The following L3MBTL4 variants were observed in gnomAD, a reference collection of about 807,000 sequenced individuals.
L3MBTL4 encodes the protein lethal(3)malignant brain tumor-like protein 4.
In L3MBTL4, 70 loss-of-function variants were observed where a neutral mutation model predicts 84.5. That is an observed-to-expected ratio of 0.83 (90% CI 0.68 to 1.01). The LOEUF (loss-of-function observed/expected upper bound fraction) is 1.01. Ranked by LOEUF, L3MBTL4 falls within the 50% of genes least tolerant of loss-of-function variation. L3MBTL4 has a pLI of 0.00. For synonymous variants in L3MBTL4, 274 were observed against 259.8 expected (o/e 1.05, Z -0.52); for missense variants, 715 against 754.8 (o/e 0.95, Z 0.62).
At chr18:6,089,264 T>C (rs1038532950) in intron 15 of L3MBTL4, among the ~76,000 whole-genome samples, 2 of 152,154 alleles carry the variant, frequency 1.3e-5, no homozygotes, top group Non-Finnish European at 2.9e-5. Context: ...GTAGAAGCCT[T>C]TAGTATACTA....
At chr18:6,323,074 T>C (rs1030255373) in intron 1 of L3MBTL4, among the ~76,000 whole-genome samples, 4 of 152,202 alleles carry the variant, frequency 2.6e-5, no homozygotes, top group Non-Finnish European at 5.9e-5. Flanking sequence ...AAGTAATGCC[T>C]GCTTCTCCTT....
intron 10 of L3MBTL4, among the ~76,000 whole-genome samples, chr18:6,220,552 C>A (rs2046509310): frequency 6.6e-6 from 1 of 152,132 alleles, no homozygotes; most frequent in South Asian, 2.1e-4. Flanking sequence ...CCTTCCTAAC[C>A]CCATTACTTG....
At chr18:6,278,886 C>A (rs139790676) in intron 4 of L3MBTL4, among the ~76,000 whole-genome samples, 1 of 151,730 alleles carries the variant, frequency 6.6e-6, no homozygotes, top group African/African-American at 2.4e-5. Context: ...AAACTTCTTC[C>A]ACATCTTTGG....
In L3MBTL4 at chr18:5,969,565, G is replaced by T. The variant is rs746864758; in HGVS notation, c.1445-3C>A. ...CTGCGCCTGCTCCACCGAGTATTCTGTAAGAGAGGTGGGGTGGGGTGAGGC... is the reference window on the plus strand; with the variant it reads ...CTGCGCCTGCTCCACCGAGTATTCTTTAAGAGAGGTGGGGTGGGGTGAGGC... On this transcript the variant is annotated splice_region_variant and splice_polypyrimidine_tract_variant and intron_variant, in intron 16 of 18. Coordinates refer to ENST00000317931, the MANE Select transcript of L3MBTL4 (RefSeq NM_001330559.2). 2 of 1,589,142 alleles carry T rather than the reference G, an allele frequency of 1.3e-6. No individual in the cohort carries two copies. The highest frequency in any genetic ancestry group is 1.7e-6 in the Non-Finnish European group (2 of 1,164,854).
chr18:6,210,532 T>G (rs1428299304), intron 12 of L3MBTL4, among the ~76,000 whole-genome samples: 1 of 152,234 alleles, frequency 6.6e-6, no homozygotes, highest in East Asian at 1.9e-4. Flanking sequence ...ACTTAATCTC[T>G]GTGGTTTCAG....
intron 1 of L3MBTL4, among the ~76,000 whole-genome samples, chr18:6,383,617 G>T (rs568288499): frequency 6.6e-6 from 1 of 152,060 alleles, no homozygotes; most frequent in African/African-American, 2.4e-5. Context: ...GCCCTGTTTC[G>T]GCTTGCCCTC....
chr18:6,110,189 T>A (rs148049264), intron 14 of L3MBTL4, among the ~76,000 whole-genome samples: 7 of 152,236 alleles, frequency 4.6e-5, no homozygotes, highest in African/African-American at 1.7e-4. Flanking sequence ...CAGACCCCTA[T>A]TGAGTTTCAA....
intron 1 of L3MBTL4, among the ~76,000 whole-genome samples, chr18:6,380,988 C>T (rs1038787504): frequency 5.9e-5 from 9 of 152,080 alleles, no homozygotes; most frequent in Non-Finnish European, 1.2e-4. Context: ...TTGCTTTATG[C>T]ATCTGGGTGC....
chr18:6,194,816 C>A (rs1383927882), intron 12 of L3MBTL4, among the ~76,000 whole-genome samples: 2 of 152,204 alleles, frequency 1.3e-5, no homozygotes, highest in African/African-American at 4.8e-5. Flanking sequence ...ATTGAGGGGC[C>A]CTGCCCAGGT....
intron 10 of L3MBTL4, among the ~76,000 whole-genome samples, chr18:6,221,493 A>G (rs143414182): frequency 6.6e-6 from 1 of 152,308 alleles, no homozygotes; most frequent in Non-Finnish European, 1.5e-5. Context: ...ACTCAATTCT[A>G]CTGATGAGGA....
chr18:6,063,648 GTCT>G (rs146646378), intron 16 of L3MBTL4, among the ~76,000 whole-genome samples: 14,971 of 151,872 alleles, frequency 0.099, 961 homozygotes, highest in Admixed American at 0.18. Context: ...CAGTTTGTAT[GTCT>G]TCTTTTGAGA....
chr18:6,077,224 A>C (rs954687314), intron 16 of L3MBTL4, among the ~76,000 whole-genome samples: 1 of 152,192 alleles, frequency 6.6e-6, no homozygotes, highest in Admixed American at 6.5e-5. Flanking sequence ...TAGGAGTAAC[A>C]CTCAATAAGC....
At chr18:6,166,903 A>G (rs1208267784) in intron 13 of L3MBTL4, among the ~76,000 whole-genome samples, 11 of 152,164 alleles carry the variant, frequency 7.2e-5, no homozygotes, top group Admixed American at 5.2e-4. Context: ...ATTTTTGAAA[A>G]GATCAACAAA....
At chr18:5,994,037 A>C (rs765694760) in intron 16 of L3MBTL4, among the ~76,000 whole-genome samples, 1 of 152,228 alleles carries the variant, frequency 6.6e-6, no homozygotes, top group Non-Finnish European at 1.5e-5. Flanking sequence ...GCGACGCTGG[A>C]ACCCGGCTTT....
chr18:6,166,537 C>A (rs2043667794), intron 13 of L3MBTL4, among the ~76,000 whole-genome samples: 1 of 152,328 alleles, frequency 6.6e-6, no homozygotes, highest in South Asian at 2.1e-4. Context: ...CTCAAAACTG[C>A]TCAACTACAT....
At chr18:6,292,375 T>C (rs2049905054) in intron 4 of L3MBTL4, among the ~76,000 whole-genome samples, 1 of 152,218 alleles carries the variant, frequency 6.6e-6, no homozygotes, top group African/African-American at 2.4e-5. Flanking sequence ...CTGTCTAATA[T>C]TTGTAAAGTC....
chr18:6,317,888 AAACT>A (rs1436027030), intron 1 of L3MBTL4, among the ~76,000 whole-genome samples: 1 of 152,208 alleles, frequency 6.6e-6, no homozygotes, highest in African/African-American at 2.4e-5. Flanking sequence ...AAAATCTATC[AAACT>A]AACAGCAGTC....
At chr18:6,021,273 G>A (rs7226790) in intron 16 of L3MBTL4, among the ~76,000 whole-genome samples, 6,758 of 152,282 alleles carry the variant, frequency 0.044, 386 homozygotes, top group Admixed American at 0.16. Flanking sequence ...CAGAGGCAAA[G>A]GAATATCTTG....
At position 6,075,234 on chromosome 18, in the gene L3MBTL4, A is replaced by G. The variant is rs1276871038; in HGVS notation, c.1444+5647T>C. Among the ~76,000 whole-genome samples the G allele has an allele frequency of 6.6e-5, 10 of 152,318 alleles. No homozygotes were observed. The East Asian group carries it at 1.9e-3, about 29-fold the overall frequency. Reference sequence around the variant, plus strand: ...AGAATAGTTAGGGCAATCTCAAAGAAAAAGAACAAAAATGGAGGAGCGGCA... The same window carrying G: ...AGAATAGTTAGGGCAATCTCAAAGAGAAAGAACAAAAATGGAGGAGCGGCA... On this transcript the variant is annotated intron_variant, in intron 16 of 18. Coordinates refer to ENST00000317931, the MANE Select transcript of L3MBTL4 (RefSeq NM_001330559.2).
Sources: allele counts gnomAD v4.1 joint callset (sites outside exome capture counted in the v4.1 genomes callset), GRCh38; gene constraint gnomAD v4.1.1; transcripts MANE v1.5; gene names NCBI Gene and HGNC (gene_info 2026-07-23, HGNC 2026-07-21).